CDK13: variants seen among roughly 807,000 people sequenced by gnomAD.
CDK13 encodes cyclin dependent kinase 13, also known as cyclin-dependent kinase 13.
A neutral mutation model predicts 137.6 loss-of-function variants in CDK13; 40 were observed. The observed-to-expected ratio is 0.29, with a 90% CI of 0.23 to 0.38. The LOEUF (loss-of-function observed/expected upper bound fraction) is 0.38. Among genes scored for constraint, CDK13 ranks in the 10% least tolerant of loss-of-function variants. The pLI, the probability that CDK13 is intolerant of heterozygous loss-of-function variation, is 1.00. For missense variants in CDK13, 1,704 were observed against 1,951.8 expected, an observed-to-expected ratio of 0.87 and a Z score of 2.39; for synonymous variants, 869 against 760.1, an observed-to-expected ratio of 1.14 and a Z score of -2.36.
chr7:39,956,049 C>G (rs894055053), intron 1 of CDK13, among the ~76,000 whole-genome samples: 1 of 151,640 alleles, frequency 6.6e-6, no homozygotes, highest in Non-Finnish European at 1.5e-5. Context: ...AGTGTTTTGT[C>G]CTGAAAACTA....
chr7:39,991,484 A>AGTGT (rs66520870), intron 2 of CDK13, among the ~76,000 whole-genome samples: 4,544 of 143,728 alleles, frequency 0.032, 64 homozygotes, highest in Non-Finnish European at 0.037. Context: ...CATTAGCAAA[A>AGTGT]GTGTGTGTGT....
chr7:40,005,577 G>A (rs962470331), intron 5 of CDK13, among the ~76,000 whole-genome samples: 1 of 152,034 alleles, frequency 6.6e-6, no homozygotes, highest in Non-Finnish European at 1.5e-5. Context: ...GATTACAGGC[G>A]TGAGCCCCTG....
intron 2 of CDK13, among the ~76,000 whole-genome samples, chr7:39,991,136 G>A (rs1051109940): frequency 1.3e-5 from 2 of 152,070 alleles, no homozygotes; most frequent in African/African-American, 2.4e-5. Flanking sequence ...TGAAAGTAAT[G>A]CTCTTGGTAA....
intron 5 of CDK13, among the ~76,000 whole-genome samples, chr7:40,014,345 G>A (rs1376062252): frequency 6.6e-6 from 1 of 151,792 alleles, no homozygotes; most frequent in African/African-American, 2.4e-5. Context: ...GGGATTACAG[G>A]TGTGAGCCAC....
Position 39,964,705 on chromosome 7 carries a change from G to T in CDK13, c.1211+12853G>T, listed in dbSNP as rs139186385. 2.2e-3 allele frequency among the ~76,000 whole-genome samples: 326 copies of T among 150,778 alleles called. 2 individuals carry two copies. Among genetic ancestry groups the T allele is most frequent in the Middle Eastern group, 0.01 (3 of 290 alleles). On this transcript the variant is annotated intron_variant, in intron 1 of 13. Transcript: ENST00000181839. ...TGTTTGCTCTTGCTTCTCTAGTTCA[G>T]TTGTAATGTTAGGGTGTCAATTTTA...
intron 5 of CDK13, among the ~76,000 whole-genome samples, chr7:40,032,841 T>TG (rs533246208): frequency 2.6e-4 from 39 of 152,216 alleles, no homozygotes; most frequent in Non-Finnish European, 4.9e-4. Flanking sequence ...CCTCTAACTT[T>TG]GCTCTCATAA....
At chr7:40,047,012 C>CTA (rs1785756733) in intron 6 of CDK13, among the ~76,000 whole-genome samples, 1 of 65,832 alleles carries the variant, frequency 1.5e-5, no homozygotes, top group Admixed American at 1.9e-4. Context: ...GACTCGGTCT[C>CTA]AAAAAAAAAA....
At chr7:39,989,975 G>A (rs1408369955) in intron 2 of CDK13, among the ~76,000 whole-genome samples, 3 of 152,042 alleles carry the variant, frequency 2.0e-5, no homozygotes, top group Non-Finnish European at 4.4e-5. Context: ...GTAGAGACGG[G>A]GGGCTTCACC....
At chr7:39,965,208 A>T (rs1460702512) in intron 1 of CDK13, among the ~76,000 whole-genome samples, 1 of 152,126 alleles carries the variant, frequency 6.6e-6, no homozygotes, top group Non-Finnish European at 1.5e-5. Context: ...TGATCTGTCT[A>T]ATGTTGACAG....
intron 5 of CDK13, among the ~76,000 whole-genome samples, chr7:40,018,785 GT>G (rs1253669850): frequency 4.6e-5 from 7 of 152,132 alleles, no homozygotes; most frequent in Admixed American, 3.9e-4. Flanking sequence ...AGGGTACAGT[GT>G]ACACTACTCG....
chr7:39,963,275 T>C (rs1459586758), intron 1 of CDK13, among the ~76,000 whole-genome samples: 1 of 152,234 alleles, frequency 6.6e-6, no homozygotes, highest in Non-Finnish European at 1.5e-5. Flanking sequence ...GTTCTTCCAT[T>C]TGTTTGTGTC....
chr7:40,055,972 A>C (rs1188858181), intron 7 of CDK13, among the ~76,000 whole-genome samples: 1 of 152,244 alleles, frequency 6.6e-6, no homozygotes, highest in South Asian at 2.1e-4. Flanking sequence ...CCTGGAACCA[A>C]AACATAGTTT....
chr7:39,974,123 C>CT (rs1239539440), intron 1 of CDK13, among the ~76,000 whole-genome samples: 2 of 152,136 alleles, frequency 1.3e-5, no homozygotes, highest in East Asian at 3.8e-4. Flanking sequence ...AAAAAAGCAG[C>CT]TAGGATTTTG....
intron 1 of CDK13, among the ~76,000 whole-genome samples, chr7:39,961,767 C>G (rs1783739375): frequency 6.6e-6 from 1 of 152,022 alleles, no homozygotes; most frequent in Non-Finnish European, 1.5e-5. Flanking sequence ...GGTATATCTC[C>G]TAATGCTATC....
intron 5 of CDK13, among the ~76,000 whole-genome samples, chr7:40,021,804 A>T (rs183487430): frequency 6.6e-6 from 1 of 151,962 alleles, no homozygotes; most frequent in South Asian, 2.1e-4. Flanking sequence ...TTTGTCATGC[A>T]CTAAATATGT....
chr7:39,997,967 G>A (rs902816719), intron 3 of CDK13: 6 of 247,738 alleles, frequency 2.4e-5, no homozygotes, highest in Non-Finnish European at 2.3e-5. Flanking sequence ...CACTGAAATT[G>A]GGCAGAGTAG....
chr7:39,952,456 T>C (rs1222000658), intron 1 of CDK13: 1 of 152,214 alleles, frequency 6.6e-6, no homozygotes, highest in Admixed American at 6.5e-5. Flanking sequence ...AAAAAAGGTA[T>C]CTATTTAGTG....
intron 4 of CDK13, among the ~76,000 whole-genome samples, chr7:39,999,728 A>G (rs1784644288): frequency 6.6e-6 from 1 of 152,088 alleles, no homozygotes; most frequent in Admixed American, 6.5e-5. Flanking sequence ...AGTATTTGTG[A>G]TATACTGTAT....
intron 5 of CDK13, among the ~76,000 whole-genome samples, chr7:40,020,158 C>T (rs1272417007): frequency 6.6e-6 from 1 of 152,078 alleles, no homozygotes; most frequent in Non-Finnish European, 1.5e-5. Flanking sequence ...ACCTTCAGCT[C>T]CTGGGCTCAA....
Sources: gnomAD v4.1 joint callset for allele counts (sites outside exome capture counted in the v4.1 genomes callset) on GRCh38, gnomAD v4.1.1 for gene constraint, MANE v1.5 for transcripts, NCBI Gene and HGNC (gene_info 2026-07-23, HGNC 2026-07-21) for gene names.